The following DMD variants were observed in gnomAD, a reference collection of about 807,000 sequenced individuals.
DMD encodes the protein mutant dystrophin.
DMD carries 63 observed loss-of-function variants against 330.1 expected under a neutral mutation model. The observed-to-expected ratio is 0.19, with a 90% CI of 0.16 to 0.24. The LOEUF (loss-of-function observed/expected upper bound fraction) is 0.24. DMD is among the 10% of genes least tolerant of loss of function. The pLI is 1.00. For synonymous variants in DMD, 1,223 were observed against 959.8 expected (o/e 1.27, Z -5.07); for missense variants, 3,344 against 2,684.1 (o/e 1.25, Z -5.43).
rs1168987353 is a variant in DMD, at chrX:31,134,163, G to A, written c.10953C>T (p.Asp3651=). Residue 3651 remains aspartate, a synonymous_variant, in exon 77 of 79, where the codon GAC becomes GAT. Transcript: ENST00000357033. ...TCACCTCCTCTAACCCTGTGCTTGT[G>A]TCCTGGGGAGGACTGAGAAGATCTT... ...GEEDLLSPPQ[D]TSTGLEEVME... is the part of the protein sequence containing the mutation. The A allele has an allele frequency of 1.7e-6, 2 of 1,208,891 alleles. No individual in the cohort carries two copies. The highest frequency in any genetic ancestry group is 3.5e-5 in the African/African-American group (2 of 57,000).
At chrX:32,803,728 C>T (rs1488191220) in intron 7 of DMD, among the ~76,000 whole-genome samples, 1 of 112,147 alleles carries the variant, frequency 8.9e-6, no homozygotes, top group African/African-American at 3.2e-5. Flanking sequence ...ACCCAGTAGT[C>T]ACCCAGGAGC....
chrX:33,230,622 C>A (rs764472980), intron 1 of DMD, among the ~76,000 whole-genome samples: 1 of 110,739 alleles, frequency 9.0e-6, no homozygotes, highest in Non-Finnish European at 1.9e-5. Context: ...TATATCTGAC[C>A]TTTATTGACA....
intron 63 of DMD, among the ~76,000 whole-genome samples, chrX:31,249,894 A>G (rs1465563476): frequency 9.0e-6 from 1 of 111,702 alleles, no homozygotes; most frequent in Non-Finnish European, 1.9e-5. Context: ...TACATCAGAC[A>G]TTCTGTTACC....
intron 2 of DMD, among the ~76,000 whole-genome samples, chrX:33,008,750 GATAAGT>G (rs1395587157): frequency 1.6e-5 from 1 of 62,493 alleles, no homozygotes; most frequent in Non-Finnish European, 3.2e-5. Context: ...ATATACATCA[GATAAGT>G]ATTTTTAAGT....
At chrX:32,406,582 C>A (rs2098118244) in intron 30 of DMD, among the ~76,000 whole-genome samples, 1 of 111,201 alleles carries the variant, frequency 9.0e-6, no homozygotes, top group Non-Finnish European at 1.9e-5. Flanking sequence ...TTGAACCAGC[C>A]TTGCATCCCA....
intron 60 of DMD, among the ~76,000 whole-genome samples, chrX:31,384,313 A>G (rs774268611): frequency 1.8e-4 from 3 of 17,114 alleles, no homozygotes; most frequent in Admixed American, 7.4e-4. Flanking sequence ...CTGCTTCACT[A>G]CTACTACTAC....
chrX:31,691,565 G>A (rs957956270), intron 52 of DMD, among the ~76,000 whole-genome samples: 15 of 111,687 alleles, frequency 1.3e-4, no homozygotes, highest in African/African-American at 4.9e-4. Flanking sequence ...TCACCTTAAA[G>A]GACATGCATA....
chrX:32,518,193 A>T, intron 17 of DMD, 62 bp from the exon 18 acceptor site: 2 of 1,086,054 alleles, frequency 1.8e-6, no homozygotes, highest in Non-Finnish European at 2.5e-6. Flanking sequence ...ATATTAAAAA[A>T]AGCAATTTAT....
rs762589284 is a variant in DMD, at chrX:31,918,498, C to T, written c.6912+11098G>A. 5.8e-3 allele frequency among the ~76,000 whole-genome samples: 649 copies of T among 111,639 alleles called. 3 individuals are homozygous for T. Among genetic ancestry groups the T allele is most frequent in the Middle Eastern group, 0.014 (3 of 215 alleles). ...GGCCACGTTGGGAATTAACCACACG[C>T]GAACTGAGAAGCTGGAAAGGGGTAT... On this transcript the variant is annotated intron_variant, in intron 47 of 78. Transcript: ENST00000357033.
At chrX:33,264,603 A>T (rs186595408) in intron 1 of DMD, among the ~76,000 whole-genome samples, 108 of 111,289 alleles carry the variant, frequency 9.7e-4, no homozygotes, top group African/African-American at 3.3e-3. Flanking sequence ...GGGACAAAAT[A>T]AAGTCAGTTG....
At chrX:31,908,272 T>C (rs1371923791) in intron 47 of DMD, among the ~76,000 whole-genome samples, 1 of 111,920 alleles carries the variant, frequency 8.9e-6, no homozygotes, top group Non-Finnish European at 1.9e-5. Context: ...ACACGTATGT[T>C]TATTGCGGCA....
intron 49 of DMD, among the ~76,000 whole-genome samples, chrX:31,821,796 A>G (rs772846063): frequency 1.8e-5 from 2 of 112,147 alleles, no homozygotes; most frequent in Non-Finnish European, 3.8e-5. Flanking sequence ...AATACAAATA[A>G]CTTGATTGAT....
chrX:31,505,655 A>G (rs2070865150), intron 56 of DMD, among the ~76,000 whole-genome samples: 1 of 110,325 alleles, frequency 9.1e-6, no homozygotes, highest in African/African-American at 3.3e-5. Context: ...TTCTTTTGAG[A>G]CAGAGTCTCA....
chrX:31,386,381 T>TA (rs1400371503), intron 60 of DMD, among the ~76,000 whole-genome samples: 8 of 106,905 alleles, frequency 7.5e-5, no homozygotes, highest in Admixed American at 2.0e-4. Context: ...ATAGTAATAA[T>TA]AAAAAAAAAA....
chrX:31,518,788 G>A (rs57730786), intron 55 of DMD, among the ~76,000 whole-genome samples: 11,128 of 110,570 alleles, frequency 0.1, 548 homozygotes, highest in Admixed American at 0.19. Flanking sequence ...AGTTTGAGAG[G>A]TAAAGTAACT....
At chrX:33,206,175 G>T (rs1194980052) in intron 1 of DMD, among the ~76,000 whole-genome samples, 1 of 111,734 alleles carries the variant, frequency 8.9e-6, no homozygotes. Flanking sequence ...TATTCAAATG[G>T]CAATTAGACC....
chrX:31,784,328 A>T lies in DMD; in HGVS notation c.7310-10136T>A, dbSNP rs993082597. Among the ~76,000 whole-genome samples, 5 of 112,048 alleles carry T rather than the reference A, an allele frequency of 4.5e-5. No homozygotes were observed. The Admixed American group carries it at 4.7e-4, about 11-fold the overall frequency. ...CCTCACAACCATGAGGATGACCACG[A>T]TCATAAACAGAAAATAACATGTGCT... is the stretch of plus-strand genomic sequence containing the variant. On this transcript the variant is annotated intron_variant, in intron 50 of 78. Transcript: ENST00000357033.
intron 7 of DMD, among the ~76,000 whole-genome samples, chrX:32,726,006 T>G (rs745748757): frequency 9.0e-6 from 1 of 110,893 alleles, no homozygotes; most frequent in Non-Finnish European, 1.9e-5. Flanking sequence ...AAAATTCCCC[T>G]GGAATATATG....
chrX:32,660,143 C>T (rs1245728358), intron 9 of DMD, among the ~76,000 whole-genome samples: 4 of 110,711 alleles, frequency 3.6e-5, no homozygotes, highest in Non-Finnish European at 5.7e-5. Flanking sequence ...CTGAGAAGAA[C>T]GCAGTAAGTC....
Sources: allele counts gnomAD v4.1 joint callset (sites outside exome capture counted in the v4.1 genomes callset), GRCh38; gene constraint gnomAD v4.1.1; transcripts MANE v1.5; gene names NCBI Gene and HGNC (gene_info 2026-07-23, HGNC 2026-07-21).